NFATC2: variants seen among roughly 807,000 people sequenced by gnomAD.
NFATC2 encodes the protein nuclear factor of activated T cells 2.
A neutral mutation model predicts 87.3 loss-of-function variants in NFATC2; 22 were observed. That is an observed-to-expected ratio of 0.25 (90% CI 0.18 to 0.36). NFATC2 has a LOEUF of 0.36. NFATC2 is among the 10% of genes least tolerant of loss of function. The pLI is 1.00. For missense variants in NFATC2, 1,149 were observed against 1,259.1 expected (o/e 0.91, Z 1.32); for synonymous variants, 565 against 542.2 (o/e 1.04, Z -0.58).
chr20:51,522,243 A>C (rs2076457019), intron 2 of NFATC2, among the ~76,000 whole-genome samples: 1 of 135,348 alleles, frequency 7.4e-6, no homozygotes, highest in African/African-American at 2.7e-5. Context: ...TCTCACAGGG[A>C]GTAAACCAAG....
At chr20:51,469,030 T>TG (rs1987957887) in intron 5 of NFATC2, among the ~76,000 whole-genome samples, 1 of 151,120 alleles carries the variant, frequency 6.6e-6, no homozygotes, top group Admixed American at 6.6e-5. Flanking sequence ...TCAGTATTTT[T>TG]TTTTTTTCCT....
At chr20:51,528,109 C>A (rs1025712400) in intron 1 of NFATC2, among the ~76,000 whole-genome samples, 3 of 146,434 alleles carry the variant, frequency 2.0e-5, no homozygotes, top group East Asian at 2.0e-4. Flanking sequence ...AAAAAAAATT[C>A]TTCCTGCAGA....
chr20:51,468,690 C>T (rs933508745), intron 5 of NFATC2, among the ~76,000 whole-genome samples: 1 of 152,178 alleles, frequency 6.6e-6, no homozygotes. Flanking sequence ...GCCTGGAGAC[C>T]GTCACCATGT....
rs999961170 is a variant in NFATC2 at position 51,524,415 on chromosome 20, G to A, written c.131-305C>T. Among the ~76,000 whole-genome samples the A allele has an allele frequency of 6.6e-6, 1 of 151,898 alleles. No individual in the cohort carries two copies. Among genetic ancestry groups the A allele is most frequent in the Non-Finnish European group, 1.5e-5 (1 of 67,978 alleles). Reference sequence around the variant, plus strand: ...CACTTTATCTCACAACCCCATTCACGCCACCATATACACCCACAACTGAAA... The same window carrying A: ...CACTTTATCTCACAACCCCATTCACACCACCATATACACCCACAACTGAAA... On this transcript the variant is annotated intron_variant, in intron 1 of 10. Transcript: ENST00000371564. The surrounding 1 kb of genome is among the most constrained non-coding windows in gnomAD (Gnocchi z 4.0).
At chr20:51,450,478 C>A (rs1373935542) in intron 6 of NFATC2, among the ~76,000 whole-genome samples, 1 of 152,128 alleles carries the variant, frequency 6.6e-6, no homozygotes, top group African/African-American at 2.4e-5. Flanking sequence ...GAGTTCAAGG[C>A]CAGCCTGGGC....
chr20:51,491,601 C>T (rs1340961494), intron 3 of NFATC2, among the ~76,000 whole-genome samples: 1 of 152,124 alleles, frequency 6.6e-6, no homozygotes, highest in Non-Finnish European at 1.5e-5. Context: ...CCATTACGTG[C>T]TACCTCCGCC....
chr20:51,489,016 C>T (rs2075834585), intron 3 of NFATC2, among the ~76,000 whole-genome samples: 1 of 152,196 alleles, frequency 6.6e-6, no homozygotes, highest in African/African-American at 2.4e-5. Context: ...TGGCGAAACC[C>T]CCGTCTCTAC....
chr20:51,505,563 A>G (rs1432124157), intron 3 of NFATC2, among the ~76,000 whole-genome samples: 3 of 152,132 alleles, frequency 2.0e-5, no homozygotes, highest in Non-Finnish European at 4.4e-5. Context: ...AACCTGTGCC[A>G]GTATTCAGAA....
At chr20:51,460,276 C>T (rs1358221028) in intron 5 of NFATC2, among the ~76,000 whole-genome samples, 2 of 152,180 alleles carry the variant, frequency 1.3e-5, no homozygotes, top group African/African-American at 2.4e-5. Flanking sequence ...AAGGGCAGCA[C>T]GTGCTCTTGG....
chr20:51,515,101 G>T (rs987209875), intron 3 of NFATC2, among the ~76,000 whole-genome samples: 1 of 152,166 alleles, frequency 6.6e-6, no homozygotes, highest in Non-Finnish European at 1.5e-5. Context: ...TCCTGGCACC[G>T]CTCAGAGTGC....
intron 9 of NFATC2, among the ~76,000 whole-genome samples, chr20:51,429,302 T>C (rs1227432257): frequency 6.6e-6 from 1 of 152,234 alleles, no homozygotes; most frequent in Non-Finnish European, 1.5e-5. Flanking sequence ...TGGAGGGTCC[T>C]GGGGTGGGCA....
intron 1 of NFATC2, among the ~76,000 whole-genome samples, chr20:51,557,895 G>A (rs1254916749): frequency 1.3e-5 from 2 of 152,210 alleles, no homozygotes; most frequent in Non-Finnish European, 2.9e-5. Context: ...ATCTGTTGGA[G>A]GACATGGACA....
intron 1 of NFATC2, among the ~76,000 whole-genome samples, chr20:51,534,427 A>G (rs2076686262): frequency 6.6e-6 from 1 of 152,170 alleles, no homozygotes; most frequent in South Asian, 2.1e-4. Flanking sequence ...CTCTGCCTCC[A>G]GGGTTCAAGC....
rs144082517 is a variant in NFATC2, at chr20:51,414,419, T to G, written c.2723-15689A>C. ...AGTCACAGCAGAGAGCCAGGCATGGTGGCTCACGCCTGTAATCCCAGCACT... is the reference window on the plus strand; with the variant it reads ...AGTCACAGCAGAGAGCCAGGCATGGGGGCTCACGCCTGTAATCCCAGCACT... On this transcript the variant is annotated intron_variant, in intron 9 of 10. Coordinates refer to ENST00000371564, the MANE Select transcript of NFATC2 (RefSeq NM_012340.5). 7.4e-3 allele frequency among the ~76,000 whole-genome samples: 1,129 copies of G among 152,304 alleles called. 13 individuals carry two copies. The highest frequency in any genetic ancestry group is 0.026 in the African/African-American group (1,066 of 41,558).
rs1555818355 is a variant in NFATC2 at position 51,540,663 on chromosome 20, T to TGTTTTTTTTTGTTTG, written c.130+1706_130+1707insCAAACAAAAAAAAAC. 5.9e-5 allele frequency among the ~76,000 whole-genome samples: 8 copies of TGTTTTTTTTTGTTTG among 135,772 alleles called. No homozygotes were observed. The East Asian group carries it at 1.4e-3, about 23-fold the overall frequency. 89.1% of individuals were successfully genotyped at this position (135,772 alleles called of 152,430 possible). On this transcript the variant is annotated intron_variant, in intron 1 of 10. Coordinates refer to ENST00000371564, the MANE Select transcript of NFATC2 (RefSeq NM_012340.5). ...AAAACTGAAGTTTTTTTTTTGTTTT[T>TGTTTTTTTTTGTTTG]TTTTTTTTGAGAAAACAGATTCCAG...
Position 51,396,615 on chromosome 20 carries a change from T to C in NFATC2, c.*44+2028A>G, listed in dbSNP as rs1238025703. The stretch of plus-strand genomic sequence containing the variant: ...AAGGCCATGGCCAGAAAGACACTCC[T>C]CAAGCTTGGATGGGAATCAAGAGGG... On this transcript the variant is annotated intron_variant, in intron 10 of 10. Transcript: ENST00000371564. 2.0e-5 allele frequency among the ~76,000 whole-genome samples: 3 copies of C among 152,114 alleles called. No individual in the cohort carries two copies. In the East Asian group the frequency reaches 5.8e-4, roughly 29 times the overall value.
At chr20:51,495,302 G>T (rs1427083092) in intron 3 of NFATC2, among the ~76,000 whole-genome samples, 1 of 152,160 alleles carries the variant, frequency 6.6e-6, no homozygotes, top group Non-Finnish European at 1.5e-5. Flanking sequence ...TGCCCAGGCT[G>T]GTCTTGAACT....
chr20:51,421,531 C>T (rs1012272957), intron 9 of NFATC2, among the ~76,000 whole-genome samples: 2 of 152,174 alleles, frequency 1.3e-5, no homozygotes, highest in African/African-American at 4.8e-5. Flanking sequence ...GGACAATCCA[C>T]CTATCGTCGG....
At chr20:51,453,407 G>A (rs139013872) in intron 6 of NFATC2, among the ~76,000 whole-genome samples, 3 of 152,224 alleles carry the variant, frequency 2.0e-5, no homozygotes, top group African/African-American at 4.8e-5. Flanking sequence ...TTATATTCTC[G>A]GATTGTTCTA....
Sources: gnomAD v4.1 joint callset for allele counts (sites outside exome capture counted in the v4.1 genomes callset) on GRCh38, gnomAD v4.1.1 for gene constraint, Gnocchi (gnomAD v3.1) non-coding constraint, MANE v1.5 for transcripts, NCBI Gene and HGNC (gene_info 2026-07-23, HGNC 2026-07-21) for gene names.